Variants in MARCHF10 observed in about 807,000 individuals in gnomAD.
MARCHF10 encodes probable E3 ubiquitin-protein ligase MARCHF10.
In MARCHF10, 64 loss-of-function variants were observed where a neutral mutation model predicts 76.2. The observed-to-expected ratio is 0.84, with a 90% CI of 0.69 to 1.03. The LOEUF is 1.03. MARCHF10 is among the 50% of genes least tolerant of loss of function. The pLI, the probability that MARCHF10 is intolerant of heterozygous loss-of-function variation, is 0.00. For synonymous variants in MARCHF10, 340 were observed against 357.5 expected, an observed-to-expected ratio of 0.95 and a Z score of 0.55; for missense variants, 875 against 958.0, an observed-to-expected ratio of 0.91 and a Z score of 1.14.
At chr17:62,748,293 AG>A (rs2091776258) in intron 4 of MARCHF10, among the ~76,000 whole-genome samples, 1 of 152,132 alleles carries the variant, frequency 6.6e-6, no homozygotes, top group South Asian at 2.1e-4. Flanking sequence ...GCTACTACGG[AG>A]GCTGAGGCAG....
At chr17:62,741,593 T>C (rs866263565) in intron 5 of MARCHF10, among the ~76,000 whole-genome samples, 2 of 152,236 alleles carry the variant, frequency 1.3e-5, no homozygotes, top group Non-Finnish European at 2.9e-5. Flanking sequence ...TTACGTCATG[T>C]AGATTTACAT....
chr17:62,807,416 T>C (rs112550128), intron 1 of MARCHF10, among the ~76,000 whole-genome samples: 11 of 152,182 alleles, frequency 7.2e-5, no homozygotes, highest in Admixed American at 2.0e-4. Context: ...TGACTCTTCA[T>C]TTTACTGTGA....
intron 2 of MARCHF10, among the ~76,000 whole-genome samples, chr17:62,797,483 C>T (rs891798694): frequency 3.3e-5 from 5 of 152,190 alleles, no homozygotes; most frequent in Admixed American, 1.3e-4. Context: ...GGATTACAGG[C>T]GTGAGCCACC....
intron 5 of MARCHF10, 27 bp downstream of exon 5, chr17:62,744,349 A>AGGT: frequency 6.3e-7 from 1 of 1,599,856 alleles, no homozygotes; most frequent in Non-Finnish European, 8.5e-7. Flanking sequence ...CTCCAAGGAC[A>AGGT]AAGGTTCGGG....
intron 9 of MARCHF10, chr17:62,707,350 G>A (rs1404570960): frequency 6.6e-6 from 1 of 152,054 alleles, no homozygotes; most frequent in African/African-American, 2.4e-5. Flanking sequence ...GTCTTTCCAT[G>A]TCTCTGTGCG....
rs1367685347 is a variant in MARCHF10 at position 62,794,107 on chromosome 17, AACC to A, written c.91-5511_91-5509del. On this transcript the variant is annotated intron_variant, in intron 2 of 10. Transcript: ENST00000311269. ...CACAACCATCGCCACCACCCCCATC[AACC>A]ACCACCACCACCTCCATCACCACCA... is the stretch of plus-strand genomic sequence containing the variant. Among the ~76,000 whole-genome samples the A allele has an allele frequency of 1.6e-3, 196 of 125,384 alleles. 2 individuals carry two copies. Among genetic ancestry groups the A allele is most frequent in the African/African-American group, 5.8e-3 (183 of 31,356 alleles). 82.3% of individuals were successfully genotyped at this position (125,384 alleles called of 152,430 possible).
rs553256620 is a variant in MARCHF10 at position 62,774,416 on chromosome 17, G to T, written c.210+14064C>A. ...ACTGCCAGGGGACTAACAGTGGCAG[G>T]AATGACAAGGGGGAGAGGATGGTAG... On this transcript the variant is annotated intron_variant, in intron 3 of 10. Coordinates refer to ENST00000311269, the MANE Select transcript of MARCHF10 (RefSeq NM_152598.4). Among the ~76,000 whole-genome samples the T allele has an allele frequency of 8.5e-5, 13 of 152,292 alleles. No homozygotes were observed. In the South Asian group the frequency reaches 2.7e-3, roughly 32 times the overall value.
chr17:62,740,510 A>C (rs1474333651), intron 5 of MARCHF10, among the ~76,000 whole-genome samples: 1 of 152,188 alleles, frequency 6.6e-6, no homozygotes, highest in South Asian at 2.1e-4. Context: ...CTATAGAAGA[A>C]GATGAAGAAT....
At chr17:62,788,139 G>A (rs1379137091) in intron 3 of MARCHF10, among the ~76,000 whole-genome samples, 1 of 152,148 alleles carries the variant, frequency 6.6e-6, no homozygotes, top group East Asian at 1.9e-4. Flanking sequence ...TGCTTAAGAA[G>A]GCCCAGTGCC....
rs780543002 is a variant in MARCHF10, at chr17:62,759,843, G to C, written c.374C>G (p.Pro125Arg). The C allele has an allele frequency of 6.2e-7, 1 of 1,613,818 alleles. No homozygotes were observed. The highest frequency in any genetic ancestry group is 1.7e-5 in the Admixed American group (1 of 59,950). The change falls in exon 4 of 11, where the codon CCC becomes CGC. Residue 125 changes from proline (P) to arginine (R), a missense_variant. By Grantham distance (103) the Pro-to-Arg change is moderately radical. Transcript: ENST00000311269. ...RKAEKVDPSE[P>R]SPADQAPMVL... ...ATAAGCCAGCCACTCACCTGGAGAGGGTTCGCTGGGGTCCACTTTCTCTGC... is the reference window on the plus strand; with the variant it reads ...ATAAGCCAGCCACTCACCTGGAGAGCGTTCGCTGGGGTCCACTTTCTCTGC...
chr17:62,801,727 A>T lies in MARCHF10; in HGVS notation c.9T>A (p.His3Gln), dbSNP rs371565754. Residue 3 changes from histidine (H) to glutamine (Q), a missense_variant, in exon 2 of 11, where the codon CAT becomes CAA. Transcript: ENST00000311269. ML[H>Q]DARDRQKFFS... ...AGAACTTCTGCCTGTCCCTTGCGTC[A>T]TGCAACATGATTCCTAATCCCTGAC... The T allele has an allele frequency of 3.7e-6, 6 of 1,613,956 alleles. No individual in the cohort carries two copies. The African/African-American group carries it at 4.0e-5, about 11-fold the overall frequency.
intron 2 of MARCHF10, among the ~76,000 whole-genome samples, chr17:62,799,364 A>C (rs141117368): frequency 7.5e-4 from 114 of 152,256 alleles, no homozygotes; most frequent in African/African-American, 2.7e-3. Context: ...AGTCCTTTCC[A>C]TATACCGCAG....
intron 4 of MARCHF10, chr17:62,746,802 C>T (rs370309903): frequency 1.5e-5 from 16 of 1,083,824 alleles, no homozygotes; most frequent in South Asian, 4.3e-5. Flanking sequence ...AAAGTTCCCA[C>T]GCACCCCAGG....
rs1425486053 is a variant in MARCHF10 at position 62,738,611 on chromosome 17, G to C, written c.536-1279C>G. ...TGATAACAGCTCGGGCTGGTGAAAT[G>C]CAAATCCTCAGAGCATCGGGCACCA... On this transcript the variant is annotated intron_variant, in intron 5 of 10. Transcript: ENST00000311269. This position sits in a 1 kb window ranked among gnomAD's most constrained non-coding sequence, Gnocchi z 4.0. Among the ~76,000 whole-genome samples, 1 of 152,156 alleles carries C rather than the reference G, an allele frequency of 6.6e-6. No individual in the cohort carries two copies. Among genetic ancestry groups the C allele is most frequent in the Non-Finnish European group, 1.5e-5 (1 of 68,026 alleles).
At position 62,701,348 on chromosome 17, in the gene MARCHF10, TGG is replaced by T. The variant is rs368228842; in HGVS notation, c.*353_*354del. 1.8e-3 allele frequency: 565 copies of T among 316,904 alleles called. No individual in the cohort carries two copies. Among genetic ancestry groups the T allele is most frequent in the African/African-American group, 0.011 (509 of 47,738 alleles). The allele number at this position is 316,904 out of a possible 1,614,324, so 19.6% of individuals were successfully genotyped here. A position where few individuals can be genotyped will look rare whatever the true frequency, so the allele number is the denominator to read the frequency against. On this transcript the variant is annotated 3_prime_UTR_variant, in exon 11 of 11. Coordinates refer to ENST00000311269, the MANE Select transcript of MARCHF10 (RefSeq NM_152598.4). Reference sequence around the variant, plus strand: ...AATGTCAGTTTACTGAATGAATACATGGCTCGAGTCCATTCAGGGTGGAGTGA... The same window carrying T: ...AATGTCAGTTTACTGAATGAATACATCTCGAGTCCATTCAGGGTGGAGTGA...
chr17:62,714,339 G>A (rs1473662128), intron 8 of MARCHF10: 1 of 953,848 alleles, frequency 1.0e-6, no homozygotes, highest in Non-Finnish European at 1.2e-6. Context: ...GACTCAATTT[G>A]TAATGGAAGG....
chr17:62,773,698 A>G (rs1355252589), intron 3 of MARCHF10, among the ~76,000 whole-genome samples: 1 of 152,140 alleles, frequency 6.6e-6, no homozygotes, highest in African/African-American at 2.4e-5. Flanking sequence ...GGCTGGAGTA[A>G]CAGTAAGCTC....
chr17:62,739,258 C>A (rs2091413532), intron 5 of MARCHF10, among the ~76,000 whole-genome samples: 1 of 152,054 alleles, frequency 6.6e-6, no homozygotes, highest in Non-Finnish European at 1.5e-5. Flanking sequence ...CAGATAGTAC[C>A]ACTGCACTCC....
Position 62,705,491 on chromosome 17 carries a change from A to C in MARCHF10, c.2371+48T>G, listed in dbSNP as rs756121530. On this transcript the variant is annotated intron_variant, in intron 10 of 10. Coordinates refer to ENST00000311269, the MANE Select transcript of MARCHF10 (RefSeq NM_152598.4). ...TTCCACACAGTCACAGAAAAAGAGT[A>C]ATTTAGCAAACACCCTCAAAATGGC... 36 of 1,614,006 alleles carry C rather than the reference A, an allele frequency of 2.2e-5. No individual in the cohort carries two copies. In the South Asian group the frequency reaches 3.8e-4, roughly 17 times the overall value.
Sources: gnomAD v4.1 joint callset for allele counts (sites outside exome capture counted in the v4.1 genomes callset) on GRCh38, gnomAD v4.1.1 for gene constraint, Gnocchi (gnomAD v3.1) non-coding constraint, MANE v1.5 for transcripts, NCBI Gene and HGNC (gene_info 2026-07-23, HGNC 2026-07-21) for gene names.